The following TNIP1 variants were observed in gnomAD, a reference collection of about 807,000 sequenced individuals.
The protein encoded by TNIP1 is TNFAIP3-interacting protein 1.
A neutral mutation model predicts 86.6 loss-of-function variants in TNIP1; 22 were observed. The observed-to-expected ratio is 0.25, with a 90% CI of 0.18 to 0.36. The LOEUF (loss-of-function observed/expected upper bound fraction) is 0.36. Ranked by LOEUF, TNIP1 falls within the 10% of genes least tolerant of loss-of-function variation. TNIP1 has a pLI of 1.00. For synonymous variants in TNIP1, 294 were observed against 313.0 expected, an observed-to-expected ratio of 0.94 and a Z score of 0.64; for missense variants, 709 against 820.6, an observed-to-expected ratio of 0.86 and a Z score of 1.66.
intron 1 of TNIP1, 131 bp downstream of exon 1, chr5:151,080,749 A>T (rs1408423742): frequency 6.6e-6 from 1 of 152,274 alleles, no homozygotes; most frequent in Non-Finnish European, 1.5e-5. Flanking sequence ...ACGCCCCGGG[A>T]CCCCGCGCGC....
chr5:151,053,299 G>T lies in TNIP1; in HGVS notation c.628-1040C>A, dbSNP rs545992555. On this transcript the variant is annotated intron_variant, in intron 6 of 17. Coordinates refer to ENST00000521591, the MANE Select transcript of TNIP1 (RefSeq NM_006058.5). Reference sequence around the variant, plus strand: ...TAATTTTTGTATTTTCAGTACAGACGGGGTTTCACCATGTTGGCCAGGCTG... The same window carrying T: ...TAATTTTTGTATTTTCAGTACAGACTGGGTTTCACCATGTTGGCCAGGCTG... Among the ~76,000 whole-genome samples the T allele has an allele frequency of 4.6e-5, 7 of 151,874 alleles. No homozygotes were observed. In the South Asian group the frequency reaches 1.5e-3, roughly 32 times the overall value.
intron 1 of TNIP1, among the ~76,000 whole-genome samples, chr5:151,067,520 G>A (rs903649466): frequency 2.0e-5 from 3 of 152,220 alleles, no homozygotes; most frequent in African/African-American, 7.2e-5. Flanking sequence ...GAGCCACCTT[G>A]CATGACAAAG....
At chr5:151,079,027 C>T (rs1287104820) in intron 1 of TNIP1, among the ~76,000 whole-genome samples, 1 of 152,156 alleles carries the variant, frequency 6.6e-6, no homozygotes, top group East Asian at 1.9e-4. Flanking sequence ...CAGGGGCAGG[C>T]ATCAACCTTC....
chr5:151,041,908 C>A (rs958698125), intron 11 of TNIP1, among the ~76,000 whole-genome samples: 9 of 151,656 alleles, frequency 5.9e-5, no homozygotes, highest in Admixed American at 1.3e-4. Context: ...CATCCCACCC[C>A]ACCAAGTGCC....
At chr5:151,066,737 G>A (rs1217783477) in intron 1 of TNIP1, among the ~76,000 whole-genome samples, 1 of 152,158 alleles carries the variant, frequency 6.6e-6, no homozygotes, top group East Asian at 1.9e-4. Context: ...GGGCGGTTAA[G>A]TAACTCAGCC....
chr5:151,077,745 A>G (rs747202225), intron 1 of TNIP1, among the ~76,000 whole-genome samples: 1 of 152,052 alleles, frequency 6.6e-6, no homozygotes, highest in Non-Finnish European at 1.5e-5. Context: ...ACCACCCTCT[A>G]CCTCCATCCC....
chr5:151,042,871 G>A (rs779122761), intron 10 of TNIP1, 25 bp downstream of exon 10: 2 of 1,613,012 alleles, frequency 1.2e-6, no homozygotes, highest in Admixed American at 3.3e-5. Context: ...ATGCCCTGTG[G>A]GCGTGGCCAG....
chr5:151,032,245 A>G (rs984366762), intron 17 of TNIP1, 42 bp downstream of exon 17: 3 of 1,514,348 alleles, frequency 2.0e-6, no homozygotes, highest in Middle Eastern at 1.8e-4. Flanking sequence ...ATAAGATATT[A>G]TCTCCCCCAG....
chr5:151,030,449 A>C lies in TNIP1; in HGVS notation c.*264T>G, dbSNP rs1756746338. ...GCAACGGATGGTGGGTCAAAGCCGGATGAGGCCTCTCTCCACTCAGCAGCA... is the reference window on the plus strand; with the variant it reads ...GCAACGGATGGTGGGTCAAAGCCGGCTGAGGCCTCTCTCCACTCAGCAGCA... On this transcript the variant is annotated 3_prime_UTR_variant, in exon 18 of 18. Transcript: ENST00000521591. The C allele has an allele frequency of 1.8e-6, 1 of 566,090 alleles. No homozygotes were observed. The highest frequency in any genetic ancestry group is 3.1e-6 in the Non-Finnish European group (1 of 318,202). 35.1% of individuals were successfully genotyped at this position (566,090 alleles called of 1,614,324 possible). A position where few individuals can be genotyped will look rare whatever the true frequency, so the allele number is the denominator to read the frequency against.
rs1581877269 is a variant in TNIP1 at position 151,064,837 on chromosome 5, G to A, written c.136+123C>T. 9 of 1,411,100 alleles carry A rather than the reference G, an allele frequency of 6.4e-6. No individual in the cohort carries two copies. The Middle Eastern group carries it at 1.4e-3, about 218-fold the overall frequency. The allele number at this position is 1,411,100 out of a possible 1,614,324, so 87.4% of individuals were successfully genotyped here. A position where few individuals can be genotyped will look rare whatever the true frequency, so the allele number is the denominator to read the frequency against. On this transcript the variant is annotated intron_variant, in intron 2 of 17. Coordinates refer to ENST00000521591, the MANE Select transcript of TNIP1 (RefSeq NM_006058.5). ...GAGGCAGGAGCCAGCGCTGGGCCAG[G>A]AGGGACAGGGGATGACTTGGGCAGA...
At chr5:151,071,312 A>G (rs923056044) in intron 1 of TNIP1, among the ~76,000 whole-genome samples, 1 of 152,106 alleles carries the variant, frequency 6.6e-6, no homozygotes, top group Non-Finnish European at 1.5e-5. Context: ...GCAGACACAG[A>G]GTCTCATATA....
At chr5:151,065,192 A>G (rs1486019603) in intron 1 of TNIP1, 61 bp from the exon 2 acceptor site, 2 of 1,444,266 alleles carry the variant, frequency 1.4e-6, no homozygotes, top group African/African-American at 2.8e-5. Context: ...TCCTTTGCAG[A>G]GAAGCTCTAG....
At position 151,032,338 on chromosome 5, in the gene TNIP1, T is replaced by G. The variant is rs778159697; in HGVS notation, c.1825A>C (p.Asn609His). The change falls in exon 17 of 18, where the codon AAT becomes CAT. Residue 609 changes from asparagine to histidine, a missense_variant. Asn to His is a moderately conservative substitution (Grantham distance 68). Coordinates refer to ENST00000521591, the MANE Select transcript of TNIP1 (RefSeq NM_006058.5). ...GGGTCCATCACTTGGGAGCTCTGAT[T>G]TGGATTTCGAACCCCTCCACAGGGT... ...RLPCGGVRNP[N>H]QSSQVMDPPT... 1.2e-6 allele frequency: 2 copies of G among 1,614,078 alleles called. No individual in the cohort carries two copies. The highest frequency in any genetic ancestry group is 1.7e-6 in the Non-Finnish European group (2 of 1,179,996).
chr5:151,046,116 C>T, intron 8 of TNIP1, 166 bp from the exon 9 acceptor site: 1 of 626,372 alleles, frequency 1.6e-6, no homozygotes. Flanking sequence ...GACTACGTCC[C>T]CTTCTAGAAG....
intron 1 of TNIP1, among the ~76,000 whole-genome samples, chr5:151,073,294 G>A: frequency 6.6e-6 from 1 of 151,256 alleles, no homozygotes; most frequent in East Asian, 1.9e-4. Flanking sequence ...GTAACTGATT[G>A]ATTCAGTAAT....
At chr5:151,054,690 T>A (rs1049254493) in intron 6 of TNIP1, among the ~76,000 whole-genome samples, 5 of 151,854 alleles carry the variant, frequency 3.3e-5, no homozygotes, top group African/African-American at 1.2e-4. Flanking sequence ...CAACACCCCT[T>A]AAAAAAAAGA....
intron 9 of TNIP1, among the ~76,000 whole-genome samples, chr5:151,044,324 G>T (rs1235458803): frequency 6.6e-6 from 1 of 152,074 alleles, no homozygotes; most frequent in Non-Finnish European, 1.5e-5. Flanking sequence ...TTACAGGTGT[G>T]AGCCACCACG....
chr5:151,049,845 C>T lies in TNIP1; in HGVS notation c.825G>A (p.Lys275=). Residue 275 remains lysine (K), a synonymous_variant, in exon 8 of 18, where the codon AAG becomes AAA. Coordinates refer to ENST00000521591, the MANE Select transcript of TNIP1 (RefSeq NM_006058.5). ...ATACCTGCTGCTGTCCAGCCACTGC[C>T]TTCTTGCCTGTCCCTTCCATCTTCG... ...GSPKMEGTGK[K]AVAGQQQASV... The T allele has an allele frequency of 6.2e-7, 1 of 1,614,196 alleles. No individual in the cohort carries two copies. The highest frequency in any genetic ancestry group is 8.5e-7 in the Non-Finnish European group (1 of 1,180,030).
At chr5:151,053,826 A>G (rs1760294080) in intron 6 of TNIP1, among the ~76,000 whole-genome samples, 1 of 152,250 alleles carries the variant, frequency 6.6e-6, no homozygotes, top group Non-Finnish European at 1.5e-5. Context: ...CACAGCTGCT[A>G]AGACTCATCA....
Sources: gnomAD v4.1 joint callset for allele counts (sites outside exome capture counted in the v4.1 genomes callset) on GRCh38, gnomAD v4.1.1 for gene constraint, MANE v1.5 for transcripts, NCBI Gene and HGNC (gene_info 2026-07-23, HGNC 2026-07-21) for gene names.